The following HSPA12A variants were observed in gnomAD, a reference collection of about 807,000 sequenced individuals.
HSPA12A encodes the protein heat shock 70 kDa protein 12A.
A neutral mutation model predicts 69.2 loss-of-function variants in HSPA12A; 28 were observed. That is an observed-to-expected ratio of 0.40 (90% CI 0.30 to 0.55). The LOEUF (loss-of-function observed/expected upper bound fraction) is 0.55. Among genes scored for constraint, HSPA12A ranks in the 20% least tolerant of loss-of-function variants. HSPA12A has a pLI of 0.38. For synonymous variants in HSPA12A, 345 were observed against 370.5 expected (o/e 0.93, Z 0.79); for missense variants, 686 against 900.7 (o/e 0.76, Z 3.05).
chr10:116,706,301 T>C (rs1174462628), intron 2 of HSPA12A, among the ~76,000 whole-genome samples: 1 of 151,842 alleles, frequency 6.6e-6, no homozygotes, highest in Non-Finnish European at 1.5e-5. Context: ...GCCACCCGCC[T>C]GGCCTCTCCT....
chr10:116,824,927 C>T (rs1019082925), intron 2 of HSPA12A, among the ~76,000 whole-genome samples: 10 of 151,778 alleles, frequency 6.6e-5, no homozygotes, highest in Non-Finnish European at 1.2e-4. Context: ...CCACAGTACC[C>T]GGCTAATCCC....
chr10:116,823,567 T>C (rs1287622450), intron 2 of HSPA12A, among the ~76,000 whole-genome samples: 2 of 152,208 alleles, frequency 1.3e-5, no homozygotes. Flanking sequence ...ATCAATGGAA[T>C]AGAATTTCAG....
chr10:116,785,881 C>G (rs939627501), intron 2 of HSPA12A, among the ~76,000 whole-genome samples: 10 of 152,164 alleles, frequency 6.6e-5, no homozygotes, highest in African/African-American at 1.7e-4. Context: ...TATTTCCCCC[C>G]CTCCCCTCAC....
rs563132461 is a variant in HSPA12A, at chr10:116,757,247, T to C, written c.92-49962A>G. ...GGATTCCTGGAGTTCTCTCTGTGAA[T>C]TGGCACGTTAGTGTTACGGATTTTG... is the stretch of plus-strand genomic sequence containing the variant. On this transcript the variant is annotated intron_variant, in intron 2 of 12. Coordinates refer to the HSPA12A transcript ENST00000635765. Among the ~76,000 whole-genome samples the C allele has an allele frequency of 4.6e-5, 7 of 152,270 alleles. No homozygotes were observed. In the South Asian group the frequency reaches 1.5e-3, roughly 32 times the overall value.
intron 2 of HSPA12A, among the ~76,000 whole-genome samples, chr10:116,747,891 T>C (rs972733105): frequency 1.3e-5 from 2 of 152,002 alleles, no homozygotes; most frequent in East Asian, 1.9e-4. Flanking sequence ...CTCAGCTACT[T>C]GGGAGGCTGA....
upstream of HSPA12A, chr10:116,849,835 C>A (rs1474291859): frequency 1.5e-6 from 2 of 1,317,396 alleles, no homozygotes; most frequent in African/African-American, 3.0e-5. Context: ...ATCTCGCATG[C>A]CAGCCGCCCG....
chr10:116,755,738 C>T (rs1843824042), intron 2 of HSPA12A, among the ~76,000 whole-genome samples: 1 of 146,766 alleles, frequency 6.8e-6, no homozygotes, highest in Non-Finnish European at 1.5e-5. Context: ...GAGGCCAAGA[C>T]AGGCGAATGG....
intron 3 of HSPA12A, among the ~76,000 whole-genome samples, chr10:116,704,671 T>C (rs930664904): frequency 1.3e-5 from 2 of 152,184 alleles, no homozygotes; most frequent in African/African-American, 4.8e-5. Context: ...TTCATTTTAC[T>C]ACACAGTAAG....
At chr10:116,697,866 C>A (rs537371013) in intron 5 of HSPA12A, among the ~76,000 whole-genome samples, 2 of 152,242 alleles carry the variant, frequency 1.3e-5, no homozygotes, top group South Asian at 2.1e-4. Flanking sequence ...CAGAAAAAGT[C>A]TCTGCTTTCT....
intron 9 of HSPA12A, among the ~76,000 whole-genome samples, chr10:116,680,489 G>T (rs2133364239): frequency 6.6e-6 from 1 of 152,086 alleles, no homozygotes; most frequent in Admixed American, 6.6e-5. Context: ...CATGTTCTTT[G>T]GTTTAGCAAT....
chr10:116,768,329 T>G (rs1358939568), intron 2 of HSPA12A, among the ~76,000 whole-genome samples: 1 of 152,122 alleles, frequency 6.6e-6, no homozygotes, highest in African/African-American at 2.4e-5. Flanking sequence ...AGCAGATTAG[T>G]GCTTGCCAGG....
chr10:116,744,523 C>T (rs567428573), upstream of HSPA12A, among the ~76,000 whole-genome samples: 1 of 152,228 alleles, frequency 6.6e-6, no homozygotes, highest in South Asian at 2.1e-4. Context: ...GCCACAGTGA[C>T]ATGAGGGTGC....
chr10:116,681,761 G>T, intron 8 of HSPA12A, 30 bp downstream of exon 8: 1 of 1,590,074 alleles, frequency 6.3e-7, no homozygotes, highest in Non-Finnish European at 8.6e-7. Flanking sequence ...GGAAAATCCA[G>T]CAAGAGCAAA....
At chr10:116,722,268 C>T (rs1169524201) in intron 1 of HSPA12A, among the ~76,000 whole-genome samples, 2 of 152,192 alleles carry the variant, frequency 1.3e-5, no homozygotes, top group Non-Finnish European at 2.9e-5. Context: ...GGCGCACAAT[C>T]CTCCCCCACA....
chr10:116,737,862 C>G (rs1329456180), intron 1 of HSPA12A, among the ~76,000 whole-genome samples: 1 of 152,170 alleles, frequency 6.6e-6, no homozygotes, highest in African/African-American at 2.4e-5. Flanking sequence ...CAGCAAGGAT[C>G]AGCAGGGCCC....
chr10:116,720,493 T>C (rs1850742300), intron 1 of HSPA12A, among the ~76,000 whole-genome samples: 1 of 152,224 alleles, frequency 6.6e-6, no homozygotes, highest in Non-Finnish European at 1.5e-5. Flanking sequence ...CCCTAGATGC[T>C]GGGAAGCTGG....
intron 2 of HSPA12A, among the ~76,000 whole-genome samples, chr10:116,798,266 G>C (rs964827524): frequency 2.0e-5 from 3 of 152,118 alleles, no homozygotes; most frequent in Non-Finnish European, 4.4e-5. Context: ...TCTAAGATGA[G>C]ACGGCCACCA....
chr10:116,779,862 C>T (rs995697712), intron 2 of HSPA12A, among the ~76,000 whole-genome samples: 7 of 152,166 alleles, frequency 4.6e-5, no homozygotes, highest in South Asian at 2.1e-4. Flanking sequence ...GAGTGCACTC[C>T]GTCCCCGCAC....
In HSPA12A at chr10:116,683,858, C is replaced by A; in HGVS notation, c.768G>T (p.Glu256Asp). The A allele has an allele frequency of 6.2e-7, 1 of 1,600,474 alleles. No homozygotes were observed. Among genetic ancestry groups the A allele is most frequent in the Non-Finnish European group, 8.6e-7 (1 of 1,169,298 alleles). Residue 256 changes from glutamate (E) to aspartate (D), a missense_variant, in exon 7 of 12, where the codon GAG becomes GAT. Transcript: ENST00000369209. ...CRKLRLHQMI[E>D]LSSKAAVNGY... is the part of the protein sequence containing the mutation. ...CATTGACGGCTGCCTTGCTGCTCAG[C>A]TCAATCATCTGGTGTAGCCGCAGCT...
Sources: gnomAD v4.1 joint callset for allele counts (sites outside exome capture counted in the v4.1 genomes callset) on GRCh38, gnomAD v4.1.1 for gene constraint, MANE v1.5 for transcripts, NCBI Gene and HGNC (gene_info 2026-07-23, HGNC 2026-07-21) for gene names.